Variants in GLCCI1 observed in about 807,000 individuals in gnomAD.
GLCCI1 encodes the protein glucocorticoid induced 1, also known as glucocorticoid-induced transcript 1 protein.
In GLCCI1, 24 loss-of-function variants were observed where a neutral mutation model predicts 52.2. That is an observed-to-expected ratio of 0.46 (90% CI 0.33 to 0.65). The LOEUF is 0.65. GLCCI1 is among the 30% of genes least tolerant of loss of function. GLCCI1 has a pLI of 0.02. For missense variants in GLCCI1, 704 were observed against 701.5 expected (o/e 1.00, Z -0.04); for synonymous variants, 310 against 276.5 (o/e 1.12, Z -1.20).
chr7:8,072,122 C>T (rs1159559054), intron 6 of GLCCI1, among the ~76,000 whole-genome samples: 1 of 152,162 alleles, frequency 6.6e-6, no homozygotes, highest in East Asian at 1.9e-4. Flanking sequence ...CCTTGCGCCT[C>T]TTCCCAAATA....
intron 2 of GLCCI1, among the ~76,000 whole-genome samples, chr7:8,022,087 A>C (rs1275295719): frequency 6.6e-6 from 1 of 152,190 alleles, no homozygotes; most frequent in Non-Finnish European, 1.5e-5. Flanking sequence ...GTCATTCTTA[A>C]TACTATTGCT....
chr7:8,029,830 T>G (rs1781706720), intron 3 of GLCCI1, among the ~76,000 whole-genome samples: 1 of 151,966 alleles, frequency 6.6e-6, no homozygotes, highest in Admixed American at 6.6e-5. Context: ...ATTAAATACC[T>G]TGGAATTATT....
intron 6 of GLCCI1, among the ~76,000 whole-genome samples, chr7:8,075,578 G>A (rs1450157884): frequency 7.9e-5 from 12 of 152,224 alleles, no homozygotes; most frequent in Non-Finnish European, 1.3e-4. Flanking sequence ...CTCTGCCAGC[G>A]TTGCTTGATG....
intron 3 of GLCCI1, among the ~76,000 whole-genome samples, chr7:8,038,026 T>C (rs532069200): frequency 6.6e-5 from 10 of 152,274 alleles, no homozygotes; most frequent in African/African-American, 2.2e-4. Flanking sequence ...TAAATTGGAC[T>C]CTAGATCAAA....
chr7:8,084,841 A>G (rs538676305), intron 6 of GLCCI1, 56 bp from the exon 7 acceptor site: 3 of 1,593,960 alleles, frequency 1.9e-6, no homozygotes, highest in African/African-American at 1.3e-5. Context: ...TTGTTTGGAA[A>G]TCAAATTTAA....
intron 1 of GLCCI1, among the ~76,000 whole-genome samples, chr7:7,974,574 GAATAAGAAAAT>G (rs1049331822): frequency 1.8e-4 from 28 of 152,302 alleles, no homozygotes; most frequent in African/African-American, 6.7e-4. Context: ...GACTACATGT[GAATAAGAAAAT>G]AAGGGAGTAA....
intron 2 of GLCCI1, among the ~76,000 whole-genome samples, chr7:8,010,178 A>G (rs1175139712): frequency 3.9e-5 from 6 of 152,302 alleles, no homozygotes; most frequent in Admixed American, 2.0e-4. Context: ...TGAAATGTCT[A>G]TTAAACTAGA....
At chr7:7,996,406 T>A (rs920914057) in intron 1 of GLCCI1, among the ~76,000 whole-genome samples, 67 of 152,164 alleles carry the variant, frequency 4.4e-4, no homozygotes, top group African/African-American at 1.4e-3. Context: ...TTTTGCCATA[T>A]ATGTAATTAA....
intron 4 of GLCCI1, among the ~76,000 whole-genome samples, chr7:8,056,151 T>C (rs1371146650): frequency 6.6e-6 from 1 of 151,342 alleles, no homozygotes; most frequent in Non-Finnish European, 1.5e-5. Context: ...TACAAAAAAA[T>C]TAGCCAGACT....
intron 1 of GLCCI1, among the ~76,000 whole-genome samples, chr7:7,998,252 T>C (rs540910434): frequency 6.6e-6 from 1 of 152,048 alleles, no homozygotes; most frequent in South Asian, 2.1e-4. Flanking sequence ...GTCTCGCTCT[T>C]GTCACCCAGG....
At chr7:7,982,021 A>G (rs977077603) in intron 1 of GLCCI1, 1 of 438,998 alleles carries the variant, frequency 2.3e-6, no homozygotes, top group African/African-American at 2.1e-5. Flanking sequence ...ACTACGAAGA[A>G]GAAGAAAGCT....
chr7:7,986,664 T>C (rs538450080), intron 1 of GLCCI1, among the ~76,000 whole-genome samples: 10 of 152,232 alleles, frequency 6.6e-5, no homozygotes, highest in Non-Finnish European at 1.5e-4. Flanking sequence ...TAATATATGA[T>C]TAGAAGCATA....
At chr7:8,027,095 C>A (rs1267498715) in intron 3 of GLCCI1, among the ~76,000 whole-genome samples, 1 of 152,178 alleles carries the variant, frequency 6.6e-6, no homozygotes, top group African/African-American at 2.4e-5. Context: ...GGAACATCTA[C>A]GATAATTAGC....
In GLCCI1 at chr7:8,060,213, A is replaced by T. The variant is rs544024418; in HGVS notation, c.931A>T (p.Ile311Phe). 1 of 1,612,074 alleles carries T rather than the reference A, an allele frequency of 6.2e-7. No individual in the cohort carries two copies. The highest frequency in any genetic ancestry group is 2.2e-5 in the East Asian group (1 of 44,828). Residue 311 changes from isoleucine to phenylalanine, a missense_variant, in exon 5 of 8, where the codon ATT becomes TTT. Ile to Phe is a conservative substitution (Grantham distance 21). Transcript: ENST00000223145. ...GISPELEKVF[I>F]KENNGKEEVS... The stretch of plus-strand genomic sequence containing the variant: ...AAGTCCTGAATTAGAAAAGGTATTC[A>T]TTAAAGAAAATAATGGGAAGGAAGA...
rs35255634 is a variant in GLCCI1 at position 7,976,479 on chromosome 7, C to CA, written c.457+6691dup. On this transcript the variant is annotated intron_variant, in intron 1 of 7. Coordinates refer to ENST00000223145, the MANE Select transcript of GLCCI1 (RefSeq NM_138426.4). ...GGGCAACAAGAGTGAAACTCCATCTCAAAAAAAAAAAAAAAAAAAGGAAAG... is the reference window on the plus strand; with the variant it reads ...GGGCAACAAGAGTGAAACTCCATCTCAAAAAAAAAAAAAAAAAAAAGGAAAG... 6.8e-3 allele frequency among the ~76,000 whole-genome samples: 167 copies of CA among 24,590 alleles called. 4 individuals are homozygous for CA. Among genetic ancestry groups the CA allele is most frequent in the African/African-American group, 0.013 (63 of 5,020 alleles). 16.1% of individuals were successfully genotyped at this position (24,590 alleles called of 152,430 possible).
intron 1 of GLCCI1, among the ~76,000 whole-genome samples, chr7:7,977,570 T>C (rs542210784): frequency 2.0e-5 from 3 of 152,364 alleles, no homozygotes; most frequent in African/African-American, 7.2e-5. Flanking sequence ...AGTTCTCTTT[T>C]CAGTTTTGAC....
At chr7:8,024,147 C>G (rs1482549070) in intron 3 of GLCCI1, among the ~76,000 whole-genome samples, 1 of 151,992 alleles carries the variant, frequency 6.6e-6, no homozygotes, top group Admixed American at 6.6e-5. Flanking sequence ...TACCAGTTTC[C>G]AGGCCTCTTT....
intron 3 of GLCCI1, among the ~76,000 whole-genome samples, chr7:8,025,027 T>G (rs1451102779): frequency 5.1e-4 from 78 of 152,346 alleles, no homozygotes; most frequent in Non-Finnish European, 4.4e-5. Context: ...AGTCTAAGAC[T>G]GTAGTCCAAT....
intron 1 of GLCCI1, among the ~76,000 whole-genome samples, chr7:7,996,163 C>T (rs1031049417): frequency 1.3e-5 from 2 of 152,012 alleles, no homozygotes; most frequent in South Asian, 4.1e-4. Context: ...TATGACTTTC[C>T]ACCTTTGGTC....
Sources: gnomAD v4.1 joint callset for allele counts (sites outside exome capture counted in the v4.1 genomes callset) on GRCh38, gnomAD v4.1.1 for gene constraint, MANE v1.5 for transcripts, NCBI Gene and HGNC (gene_info 2026-07-23, HGNC 2026-07-21) for gene names.